The following DYSF variants were observed in gnomAD, a reference collection of about 807,000 sequenced individuals.
The protein encoded by DYSF is dysferlin, also known as dystrophy-associated fer-1-like 1.
Under a neutral mutation model 274.9 loss-of-function variants are expected in DYSF, and 212 were observed. That is an observed-to-expected ratio of 0.77 (90% CI 0.69 to 0.86). The LOEUF (loss-of-function observed/expected upper bound fraction) is 0.86, where lower values mean the gene tolerates loss of function less well. DYSF is among the 40% of genes least tolerant of loss of function. The pLI is 0.00. For synonymous variants in DYSF, 1,091 were observed against 1,078.7 expected (o/e 1.01, Z -0.22); for missense variants, 2,666 against 2,783.2 (o/e 0.96, Z 0.95).
Position 71,517,649 on chromosome 2 carries a change from G to A in DYSF, c.1002+610G>A, listed in dbSNP as rs116233224. ...GAAGTAGTTTTACAACTTGGAGCAA[G>A]GTGCGCACGGGAGTTAGGCTCCTAT... On this transcript the variant is annotated intron_variant, in intron 10 of 55. Transcript: ENST00000410020. Among the ~76,000 whole-genome samples, 418 of 152,242 alleles carry A rather than the reference G, an allele frequency of 2.7e-3. 3 individuals carry two copies. Among genetic ancestry groups the A allele is most frequent in the African/African-American group, 9.6e-3 (398 of 41,536 alleles).
intron 22 of DYSF, among the ~76,000 whole-genome samples, chr2:71,557,169 T>C (rs959506663): frequency 1.3e-5 from 2 of 152,076 alleles, no homozygotes; most frequent in African/African-American, 4.8e-5. Flanking sequence ...CCAGGGATGG[T>C]TGGATGCGAA....
At chr2:71,545,931 C>T (rs976868141) in intron 17 of DYSF, among the ~76,000 whole-genome samples, 4 of 152,224 alleles carry the variant, frequency 2.6e-5, no homozygotes, top group Non-Finnish European at 5.9e-5. Flanking sequence ...AAGTCGGGAC[C>T]ACCTTCCATC....
chr2:71,490,217 A>T (rs534662902), intron 3 of DYSF, among the ~76,000 whole-genome samples: 2 of 152,250 alleles, frequency 1.3e-5, no homozygotes, highest in Non-Finnish European at 2.9e-5. Flanking sequence ...TAATTTTTAT[A>T]AGTATAAAAG....
chr2:71,601,138 CAGGG>C (rs1451158553), intron 34 of DYSF: 3 of 588,352 alleles, frequency 5.1e-6, no homozygotes, highest in Non-Finnish European at 9.0e-6. Flanking sequence ...TGAGGGACTC[CAGGG>C]ACAGGCAAGG....
Position 71,611,553 on chromosome 2 carries a change from C to A in DYSF, c.4148C>A (p.Thr1383Lys), listed in dbSNP as rs149182447. ...CTCGTGGTAGAGTGTGGGGGCCAGA[C>A]GGTGCAGTCCTGTGTCATCAGGAAC... ...PSLVVECGGQ[T>K]VQSCVIRNLR... The change falls in exon 38 of 56, where the codon ACG (threonine) becomes AAG (lysine). Residue 1383 changes from threonine to lysine, a missense_variant. Transcript: ENST00000410020. The A allele has an allele frequency of 1.9e-6, 3 of 1,614,152 alleles. No individual in the cohort carries two copies. The highest frequency in any genetic ancestry group is 1.1e-5 in the South Asian group (1 of 91,078).
At chr2:71,508,763 C>A (rs926166745) in intron 4 of DYSF, among the ~76,000 whole-genome samples, 1 of 152,212 alleles carries the variant, frequency 6.6e-6, no homozygotes, top group African/African-American at 2.4e-5. Context: ...CATCTACTCC[C>A]CTTTCTCATG....
intron 26 of DYSF, among the ~76,000 whole-genome samples, chr2:71,568,870 TTCTC>T (rs1320294347): frequency 6.7e-6 from 1 of 150,080 alleles, no homozygotes; most frequent in Admixed American, 6.6e-5. Flanking sequence ...CAGGCCTTTA[TTCTC>T]TCTCTTTTTT....
At chr2:71,482,539 T>C (rs934210447) in intron 3 of DYSF, among the ~76,000 whole-genome samples, 2 of 152,012 alleles carry the variant, frequency 1.3e-5, no homozygotes, top group Admixed American at 6.5e-5. Context: ...AGTGGTGGGT[T>C]TCTTGGTGGG....
intron 52 of DYSF, 51 bp downstream of exon 52, chr2:71,674,347 C>T: frequency 1.3e-6 from 2 of 1,562,946 alleles, no homozygotes; most frequent in Non-Finnish European, 1.8e-6. Context: ...TGCCCCAGAA[C>T]CCACACTGTG....
intron 51 of DYSF, among the ~76,000 whole-genome samples, 198 bp from the exon 52 acceptor site, chr2:71,673,999 C>T (rs778823896): frequency 2.6e-5 from 4 of 152,158 alleles, no homozygotes; most frequent in Non-Finnish European, 5.9e-5. Flanking sequence ...TGAGCCTGCA[C>T]GGTGCCCTTT....
intron 17 of DYSF, among the ~76,000 whole-genome samples, chr2:71,546,683 C>A (rs1478246821): frequency 1.3e-5 from 2 of 152,230 alleles, no homozygotes; most frequent in Non-Finnish European, 2.9e-5. Context: ...ATAAATAGCA[C>A]TTGTATCCTA....
In DYSF at chr2:71,572,073, CACCCAGCACACCCACAGATCAT is replaced by C. The variant is rs1396352441; in HGVS notation, c.3228+1365_3228+1386del. On this transcript the variant is annotated intron_variant, in intron 29 of 55. Coordinates refer to ENST00000410020, the MANE Select transcript of DYSF (RefSeq NM_001130987.2). ...TCACACCCAGCACACACACAGATCA[CACCCAGCACACCCACAGATCAT>C]ACCCAGCACACCCACAGATCATACC... Among the ~76,000 whole-genome samples the C allele has an allele frequency of 3.3e-4, 49 of 147,536 alleles. No homozygotes were observed. The South Asian group carries it at 5.3e-3, about 16-fold the overall frequency.
rs202123283 is a variant in DYSF at position 71,561,792 on chromosome 2, C to A, written c.2257C>A (p.His753Asn). The change falls in exon 23 of 56, where the codon CAC becomes AAC. Residue 753 changes from histidine to asparagine, a missense_variant. This residue lies in a region of DYSF where 412 missense variants were observed against 504.0 expected (regional missense o/e 0.82). Coordinates refer to ENST00000410020, the MANE Select transcript of DYSF (RefSeq NM_001130987.2). ...CATCCATGAGACACCCTCTGCCACC[C>A]ACCTGGACCAGTACCTGTACCAGCT... ...GDIHETPSATHLDQYLYQLRT... is the reference protein window; with the variant it reads ...GDIHETPSATNLDQYLYQLRT... 1.1e-4 allele frequency: 177 copies of A among 1,614,178 alleles called. No individual in the cohort carries two copies. The East Asian group carries it at 3.1e-3, about 28-fold the overall frequency.
chr2:71,680,665 T>A (rs2095284724), intron 53 of DYSF, among the ~76,000 whole-genome samples: 1 of 152,202 alleles, frequency 6.6e-6, no homozygotes, highest in South Asian at 2.1e-4. Context: ...AACTACATAG[T>A]GAAATATATT....
chr2:71,574,276 A>G lies in DYSF; in HGVS notation c.3307A>G (p.Lys1103Glu). ...CTGGAAGTTCCACCTCGAGTACCGC[A>G]AGACAGATGCCTTCCGCCGCCGCCG... ...FGWKFHLEYR[K>E]TDAFRRRRWR... The change falls in exon 30 of 56, where the codon AAG becomes GAG. Residue 1103 changes from lysine (K) to glutamate (E), a missense_variant. Around this residue, in one of 3 missense-constraint regions of DYSF, gnomAD observed 1,460 missense variants for 1,502.1 expected, o/e 0.97. Transcript: ENST00000410020. 1 of 1,614,154 alleles carries G rather than the reference A, an allele frequency of 6.2e-7. No individual in the cohort carries two copies. Among genetic ancestry groups the G allele is most frequent in the South Asian group, 1.1e-5 (1 of 91,074 alleles).
In DYSF at chr2:71,628,747, C is replaced by T. The variant is rs7587120; in HGVS notation, c.4527+8138C>T. 8.1e-3 allele frequency among the ~76,000 whole-genome samples: 1,234 copies of T among 152,038 alleles called. 21 individuals are homozygous for T. The highest frequency in any genetic ancestry group is 0.028 in the African/African-American group (1,150 of 41,456). On this transcript the variant is annotated intron_variant, in intron 41 of 55. Coordinates refer to ENST00000410020, the MANE Select transcript of DYSF (RefSeq NM_001130987.2). The stretch of plus-strand genomic sequence containing the variant: ...AGGCAGATCATTGAGCTCAGGAGTT[C>T]GAGACCAACCTGGGCAATGGTAGCA...
chr2:71,678,640 G>A (rs956338581), intron 52 of DYSF, among the ~76,000 whole-genome samples: 1 of 152,092 alleles, frequency 6.6e-6, no homozygotes, highest in African/African-American at 2.4e-5. Flanking sequence ...TGTAATTAAA[G>A]CCACTGAATT....
intron 22 of DYSF, among the ~76,000 whole-genome samples, chr2:71,559,899 GC>G (rs2091608122): frequency 6.6e-6 from 1 of 152,242 alleles, no homozygotes; most frequent in Non-Finnish European, 1.5e-5. Flanking sequence ...TGAAATGAAT[GC>G]CCCGAGGCCA....
At chr2:71,680,340 G>T (rs955611904) in intron 53 of DYSF, among the ~76,000 whole-genome samples, 1 of 152,114 alleles carries the variant, frequency 6.6e-6, no homozygotes, top group African/African-American at 2.4e-5. Context: ...GAGAAGACAG[G>T]CCCCCCTTTT....
Sources: allele counts gnomAD v4.1 joint callset (sites outside exome capture counted in the v4.1 genomes callset), GRCh38; gene constraint gnomAD v4.1.1; regional missense constraint gnomAD v4.1.1; transcripts MANE v1.5; gene names NCBI Gene and HGNC (gene_info 2026-07-23, HGNC 2026-07-21).